Variants in UROS observed in about 807,000 individuals in gnomAD.
UROS encodes uroporphyrinogen III synthase, also known as uroporphyrinogen-III synthase.
A neutral mutation model predicts 33.0 loss-of-function variants in UROS; 18 were observed. The ratio of observed to expected loss-of-function variants is 0.55; its 90% CI spans 0.38 to 0.81. UROS has a LOEUF of 0.81. Ranked by LOEUF, UROS falls within the 30% of genes least tolerant of loss-of-function variation. The pLI is 0.00. For missense variants in UROS, 293 were observed against 314.9 expected, an observed-to-expected ratio of 0.93 and a Z score of 0.53; for synonymous variants, 114 against 121.1, an observed-to-expected ratio of 0.94 and a Z score of 0.38.
At chr10:125,822,419 G>T (rs966291893) in intron 1 of UROS, among the ~76,000 whole-genome samples, 6 of 151,948 alleles carry the variant, frequency 3.9e-5, no homozygotes, top group African/African-American at 1.2e-4. Context: ...GTCTCCTGGG[G>T]GCATGCGATT....
At chr10:125,810,287 G>T (rs1852690589) in intron 5 of UROS, among the ~76,000 whole-genome samples, 1 of 152,200 alleles carries the variant, frequency 6.6e-6, no homozygotes, top group Non-Finnish European at 1.5e-5. Context: ...TGGCTTCAGT[G>T]GTAGGTGCTC....
chr10:125,788,620 C>G lies in UROS; in HGVS notation c.*248G>C. 1 of 1,403,518 alleles carries G rather than the reference C, an allele frequency of 7.1e-7. No homozygotes were observed. Among genetic ancestry groups the G allele is most frequent in the Non-Finnish European group, 9.2e-7 (1 of 1,081,682 alleles). The allele number at this position is 1,403,518 out of a possible 1,614,324, so 86.9% of individuals were successfully genotyped here. ...TCAGTGTGGTTTATTTGACTTCCTTCCTGCTGGGCACAGGAAGCTCTCACA... is the reference window on the plus strand; with the variant it reads ...TCAGTGTGGTTTATTTGACTTCCTTGCTGCTGGGCACAGGAAGCTCTCACA... On this transcript the variant is annotated 3_prime_UTR_variant, in exon 10 of 10. Transcript: ENST00000368797.
chr10:125,789,808 G>A (rs1850790351), intron 9 of UROS, among the ~76,000 whole-genome samples: 1 of 152,294 alleles, frequency 6.6e-6, no homozygotes, highest in African/African-American at 2.4e-5. Context: ...CCTGCTAGCT[G>A]TTATTAGTGC....
intron 9 of UROS, among the ~76,000 whole-genome samples, chr10:125,791,208 G>C (rs113793675): frequency 2.7e-4 from 41 of 152,128 alleles, no homozygotes; most frequent in African/African-American, 8.7e-4. Flanking sequence ...CTTTAAAGAA[G>C]ATATAAAAAT....
At chr10:125,794,784 G>C in intron 9 of UROS, 96 bp downstream of exon 9, 1 of 1,190,092 alleles carries the variant, frequency 8.4e-7, no homozygotes, top group South Asian at 1.4e-5. Flanking sequence ...TAGGCCAGGG[G>C]TGTCTCACTT....
Position 125,788,631 on chromosome 10 carries a change from C to G in UROS, c.*237G>C, listed in dbSNP as rs1850703256. On this transcript the variant is annotated 3_prime_UTR_variant, in exon 10 of 10. Transcript: ENST00000368797. ...TATTTGACTTCCTTCCTGCTGGGCACAGGAAGCTCTCACAGGGCTAGGGTT... is the reference window on the plus strand; with the variant it reads ...TATTTGACTTCCTTCCTGCTGGGCAGAGGAAGCTCTCACAGGGCTAGGGTT... 7.1e-7 allele frequency: 1 copy of G among 1,410,864 alleles called. No homozygotes were observed. Among genetic ancestry groups the G allele is most frequent in the Admixed American group, 2.9e-5 (1 of 34,376 alleles). 87.4% of individuals were successfully genotyped at this position (1,410,864 alleles called of 1,614,324 possible).
rs758011904 is a variant in UROS, at chr10:125,788,951, C to T, written c.715G>A (p.Val239Ile). ...GTGGGGCTCTCTGCAGTGCAGCTTA[C>T]AGGAAGGCCCTGGGCGGCCAGCGCG... ...ARALAAQGLP[V>I]SCTAESPTPQ... The change falls in exon 10 of 10, where the codon GTA becomes ATA. Residue 239 changes from valine to isoleucine, a missense_variant. Val to Ile is a conservative substitution (Grantham distance 29). Transcript: ENST00000368797. 2.8e-5 allele frequency: 45 copies of T among 1,611,562 alleles called. No individual in the cohort carries two copies. The highest frequency in any genetic ancestry group is 3.7e-5 in the Non-Finnish European group (44 of 1,179,720).
intron 6 of UROS, 109 bp downstream of exon 6, chr10:125,807,304 C>T (rs1852418881): frequency 1.0e-6 from 1 of 953,450 alleles, no homozygotes; most frequent in African/African-American, 1.6e-5. Flanking sequence ...GCTCACCAAT[C>T]AATCTCACCA....
intron 6 of UROS, 54 bp from the exon 7 acceptor site, chr10:125,798,199 G>A: frequency 1.3e-6 from 2 of 1,587,564 alleles, no homozygotes; most frequent in Non-Finnish European, 1.7e-6. Flanking sequence ...CCTGTGCACA[G>A]GGGAATGGGG....
Position 125,796,058 on chromosome 10 carries a change from A to T in UROS, c.561+45T>A, listed in dbSNP as rs746001797. 6 of 1,585,870 alleles carry T rather than the reference A, an allele frequency of 3.8e-6. No individual in the cohort carries two copies. The Admixed American group carries it at 1.0e-4, about 26-fold the overall frequency. On this transcript the variant is annotated intron_variant, in intron 8 of 9. Transcript: ENST00000368797. The stretch of plus-strand genomic sequence containing the variant: ...CGTGCCCTTCACCCTCTGCTTCCCC[A>T]CCTGGGCACCCACCCTGCCAGAACC...
At chr10:125,807,799 T>G (rs1852463257) in intron 5 of UROS, among the ~76,000 whole-genome samples, 1 of 152,186 alleles carries the variant, frequency 6.6e-6, no homozygotes, top group Admixed American at 6.5e-5. Flanking sequence ...TCGTGTCAGA[T>G]AATAAGAGCA....
chr10:125,818,987 T>TTTG (rs201375511), intron 1 of UROS, among the ~76,000 whole-genome samples: 1,913 of 152,050 alleles, frequency 0.013, 36 homozygotes, highest in African/African-American at 0.04. Context: ...TCTAAAGTTT[T>TTTG]TTGTTGTTGT....
chr10:125,800,373 C>G (rs1851736427), intron 6 of UROS, among the ~76,000 whole-genome samples: 1 of 152,192 alleles, frequency 6.6e-6, no homozygotes, highest in South Asian at 2.1e-4. Context: ...TTTTCCGATA[C>G]TACCTATGGT....
rs11431196 is a variant in UROS at position 125,817,224 on chromosome 10, A to ATTTTTTTTTTT, written c.-26-710_-26-700dup. Among the ~76,000 whole-genome samples the ATTTTTTTTTTT allele has an allele frequency of 8.1e-5, 6 of 74,084 alleles. No individual in the cohort carries two copies. In the East Asian group the frequency reaches 1.8e-3, roughly 22 times the overall value. 48.6% of individuals were successfully genotyped at this position (74,084 alleles called of 152,430 possible). A position where few individuals can be genotyped will look rare whatever the true frequency, so the allele number is the denominator to read the frequency against. On this transcript the variant is annotated intron_variant, in intron 1 of 9. Coordinates refer to ENST00000368797, the MANE Select transcript of UROS (RefSeq NM_000375.3). ...CGGGAAGCTTCTTGTTTATAGATGT[A>ATTTTTTTTTTT]TTTTTTTTTTTTTTTTTTTTTTTTT... is the stretch of plus-strand genomic sequence containing the variant.
chr10:125,811,190 T>C (rs931453097), intron 5 of UROS, among the ~76,000 whole-genome samples: 1 of 152,262 alleles, frequency 6.6e-6, no homozygotes, highest in Admixed American at 6.5e-5. Flanking sequence ...GGGGATGTGA[T>C]GCTCAAAATG....
At position 125,796,858 on chromosome 10, in the gene UROS, G is replaced by C. The variant is rs78603372; in HGVS notation, c.476-670C>G. ...TAGGTGAAAAGTAGTGAAAACTCAG[G>C]CTTCTGAAAATAAAATGGGAAACTC... On this transcript the variant is annotated intron_variant, in intron 7 of 9. Coordinates refer to ENST00000368797, the MANE Select transcript of UROS (RefSeq NM_000375.3). The C allele has an allele frequency of 1.1e-3, 1,044 of 985,394 alleles. 13 individuals are homozygous for C. In the East Asian group the frequency reaches 0.043, roughly 41 times the overall value. 61.0% of individuals were successfully genotyped at this position (985,394 alleles called of 1,614,324 possible).
chr10:125,816,554 A>T, intron 1 of UROS, 29 bp from the exon 2 acceptor site: 2 of 1,601,802 alleles, frequency 1.2e-6, no homozygotes, highest in East Asian at 2.2e-5. Context: ...ACAGATCTTA[A>T]TTAGATCTCA....
intron 9 of UROS, chr10:125,792,481 G>C (rs1468667146): frequency 6.6e-6 from 1 of 152,272 alleles, no homozygotes; most frequent in Non-Finnish European, 1.5e-5. Context: ...CACTAGGTGT[G>C]AAGATACCCA....
chr10:125,807,866 G>A (rs1321711128), intron 5 of UROS, among the ~76,000 whole-genome samples: 2 of 152,322 alleles, frequency 1.3e-5, no homozygotes, highest in Non-Finnish European at 1.5e-5. Flanking sequence ...CAGTCAGGAA[G>A]GAGATGATGG....
Sources: gnomAD v4.1 joint callset for allele counts (sites outside exome capture counted in the v4.1 genomes callset) on GRCh38, gnomAD v4.1.1 for gene constraint, MANE v1.5 for transcripts, NCBI Gene and HGNC (gene_info 2026-07-23, HGNC 2026-07-21) for gene names.